The following TLE4 variants were observed in gnomAD, a reference collection of about 807,000 sequenced individuals.
TLE4 encodes TLE family member 4, transcriptional corepressor, also known as transducin-like enhancer protein 4.
In TLE4, 8 loss-of-function variants were observed where a neutral mutation model predicts 92.8. That is an observed-to-expected ratio of 0.09 (90% confidence interval 0.05 to 0.16). TLE4 has a LOEUF of 0.16. Ranked by LOEUF, TLE4 falls within the 10% of genes least tolerant of loss-of-function variation. The pLI, the probability that TLE4 is intolerant of heterozygous loss-of-function variation, is 1.00. For synonymous variants in TLE4, 371 were observed against 374.1 expected (o/e 0.99, Z 0.10); for missense variants, 675 against 997.6 (o/e 0.68, Z 4.36).
At chr9:79,594,533 C>T (rs1406667272) in intron 4 of TLE4, among the ~76,000 whole-genome samples, 1 of 151,260 alleles carries the variant, frequency 6.6e-6, no homozygotes, top group African/African-American at 2.4e-5. Flanking sequence ...TTGGGAGATT[C>T]ATGCATCTTT....
chr9:79,694,501 C>T (rs890185912), intron 8 of TLE4, among the ~76,000 whole-genome samples: 1 of 152,098 alleles, frequency 6.6e-6, no homozygotes, highest in Non-Finnish European at 1.5e-5. Flanking sequence ...AGCTCGAAAT[C>T]GTTTCTGTAG....
intron 6 of TLE4, among the ~76,000 whole-genome samples, chr9:79,651,812 G>A (rs1346748797): frequency 1.3e-5 from 2 of 152,148 alleles, no homozygotes; most frequent in Non-Finnish European, 2.9e-5. Context: ...CTCCCTGCAT[G>A]CTGTGCAGTG....
At chr9:79,670,110 T>C (rs2062031808) in intron 8 of TLE4, among the ~76,000 whole-genome samples, 1 of 150,360 alleles carries the variant, frequency 6.7e-6, no homozygotes, top group Non-Finnish European at 1.5e-5. Flanking sequence ...AGAGAGGAGG[T>C]AGGGAAATCG....
Position 79,612,694 on chromosome 9 carries a change from A to T in TLE4, c.291A>T (p.Gln97His). Reference protein sequence around the residue: ...IVKRLNAICAQVIPFLSQEHQ... With the variant: ...IVKRLNAICAHVIPFLSQEHQ... ...AGAGGCTGAATGCTATCTGTGCACA[A>T]GTCATTCCTTTCCTGTCCCAAGAGG... Residue 97 changes from glutamine to histidine, a missense_variant, in exon 5 of 20, where the codon CAA (glutamine) becomes CAT (histidine). By Grantham distance (24) the Gln-to-His change is conservative. Around this residue, in one of 5 missense-constraint regions of TLE4, gnomAD observed 68 missense variants for 141.2 expected, o/e 0.48. Transcript: ENST00000376552. 6.2e-7 allele frequency: 1 copy of T among 1,613,178 alleles called. No homozygotes were observed. Among genetic ancestry groups the T allele is most frequent in the Non-Finnish European group, 8.5e-7 (1 of 1,179,394 alleles).
intron 6 of TLE4, among the ~76,000 whole-genome samples, chr9:79,631,413 G>T (rs779229540): frequency 2.6e-5 from 4 of 152,096 alleles, no homozygotes; most frequent in Non-Finnish European, 4.4e-5. Context: ...ATTTTAATAG[G>T]TTTTAAACCC....
Position 79,708,247 on chromosome 9 carries a change from T to G in TLE4, c.1066T>G (p.Leu356Val). 6.2e-7 allele frequency: 1 copy of G among 1,609,664 alleles called. No individual in the cohort carries two copies. The highest frequency in any genetic ancestry group is 8.5e-7 in the Non-Finnish European group (1 of 1,178,952). Residue 356 changes from leucine to valine, a missense_variant, in exon 12 of 20, where the codon TTG becomes GTG. Physicochemically the swap from Leu to Val is conservative, Grantham distance 32. Transcript: ENST00000376552. ...VPGKPPGVDP[L>V]ASSLRTPMAV... ...TGGAAAACCACCAGGAGTTGACCCT[T>G]TGGGTTAGTAAGAAAAAAGTTTTTT...
intron 4 of TLE4, among the ~76,000 whole-genome samples, chr9:79,579,862 A>G (rs1268236975): frequency 1.3e-5 from 2 of 152,200 alleles, no homozygotes; most frequent in Non-Finnish European, 2.9e-5. Flanking sequence ...GGTCGATGGT[A>G]AATGATGATA....
chr9:79,601,612 C>G (rs1003213015), intron 4 of TLE4: 4 of 390,464 alleles, frequency 1.0e-5, no homozygotes, highest in South Asian at 5.7e-5. Flanking sequence ...TTTAGAGTGC[C>G]GTGAACTGTG....
chr9:79,690,543 C>T (rs912744865), intron 8 of TLE4, among the ~76,000 whole-genome samples: 1 of 152,046 alleles, frequency 6.6e-6, no homozygotes, highest in Non-Finnish European at 1.5e-5. Flanking sequence ...ATACTGTTCA[C>T]ACGCATCTTG....
chr9:79,607,125 G>A (rs908737735), intron 4 of TLE4, among the ~76,000 whole-genome samples: 11 of 151,900 alleles, frequency 7.2e-5, no homozygotes, highest in Non-Finnish European at 1.3e-4. Flanking sequence ...CTGATGACCA[G>A]TGATGAGCAT....
intron 14 of TLE4, among the ~76,000 whole-genome samples, chr9:79,712,810 T>G (rs888118554): frequency 6.6e-6 from 1 of 152,250 alleles, no homozygotes; most frequent in Non-Finnish European, 1.5e-5. Context: ...GAGACTTCTA[T>G]GGCTAGTGTA....
chr9:79,594,670 C>T (rs1017943419), intron 4 of TLE4, among the ~76,000 whole-genome samples: 4 of 152,118 alleles, frequency 2.6e-5, no homozygotes, highest in East Asian at 1.9e-4. Context: ...CTTTCTTCTT[C>T]GTTCACTCCA....
chr9:79,602,754 A>C (rs369430968), intron 4 of TLE4, among the ~76,000 whole-genome samples: 1 of 152,172 alleles, frequency 6.6e-6, no homozygotes, highest in East Asian at 1.9e-4. Context: ...AGTAATTTCA[A>C]CTTTTAAGAT....
chr9:79,712,744 A>G (rs2136074076), intron 14 of TLE4, among the ~76,000 whole-genome samples: 1 of 152,378 alleles, frequency 6.6e-6, no homozygotes, highest in South Asian at 2.1e-4. Flanking sequence ...ATAACAGCAT[A>G]GTTTAATTTC....
chr9:79,599,489 A>G (rs184165890), intron 4 of TLE4, among the ~76,000 whole-genome samples: 9 of 152,330 alleles, frequency 5.9e-5, no homozygotes, highest in Non-Finnish European at 1.0e-4. Flanking sequence ...GCTAGAAACT[A>G]CTGACAAGCT....
intron 13 of TLE4, among the ~76,000 whole-genome samples, 193 bp from the exon 14 acceptor site, chr9:79,709,430 C>T (rs1266589262): frequency 2.0e-5 from 3 of 152,108 alleles, no homozygotes; most frequent in Non-Finnish European, 4.4e-5. Flanking sequence ...AATCTGTGTT[C>T]CACCCCCAAG....
At chr9:79,707,062 A>G in intron 11 of TLE4, 163 bp downstream of exon 11, 1 of 1,589,962 alleles carries the variant, frequency 6.3e-7, no homozygotes, top group Non-Finnish European at 8.6e-7. Context: ...TGTAGAGCAG[A>G]ATAAGTTTAC....
chr9:79,688,740 AAAG>A (rs1204040967), intron 8 of TLE4, among the ~76,000 whole-genome samples: 1 of 151,920 alleles, frequency 6.6e-6, no homozygotes, highest in Non-Finnish European at 1.5e-5. Flanking sequence ...CACAACTTAA[AAAG>A]AAGTTTTATA....
intron 4 of TLE4, among the ~76,000 whole-genome samples, chr9:79,595,499 A>G (rs2043730208): frequency 6.6e-6 from 1 of 152,224 alleles, no homozygotes; most frequent in Non-Finnish European, 1.5e-5. Context: ...ACAATGTGGG[A>G]ACTAGCTACT....
Sources: allele counts gnomAD v4.1 joint callset (sites outside exome capture counted in the v4.1 genomes callset), GRCh38; gene constraint gnomAD v4.1.1; regional missense constraint gnomAD v4.1.1; transcripts MANE v1.5; gene names NCBI Gene and HGNC (gene_info 2026-07-23, HGNC 2026-07-21).